TULP4: variants seen among roughly 807,000 people sequenced by gnomAD.
TULP4 encodes the protein TUB like protein 4.
Under a neutral mutation model 129.0 loss-of-function variants are expected in TULP4, and 16 were observed. The observed-to-expected ratio is 0.12, with a 90% confidence interval of 0.08 to 0.19. The LOEUF is 0.19. TULP4 is among the 10% of genes least tolerant of loss of function. The pLI, the probability that TULP4 is intolerant of heterozygous loss-of-function variation, is 1.00. For missense variants in TULP4, 1,842 were observed against 2,059.1 expected (o/e 0.89, Z 2.04); for synonymous variants, 998 against 854.0 (o/e 1.17, Z -2.94).
intron 1 of TULP4, among the ~76,000 whole-genome samples, chr6:158,363,997 A>G (rs55853394): frequency 1.3e-5 from 2 of 152,218 alleles, no homozygotes; most frequent in African/African-American, 4.8e-5. Flanking sequence ...AAAATAAATT[A>G]AAAAAACCCA....
At chr6:158,465,093 G>A (rs2115196830) in intron 6 of TULP4, among the ~76,000 whole-genome samples, 1 of 152,300 alleles carries the variant, frequency 6.6e-6, no homozygotes, top group Admixed American at 6.5e-5. Context: ...GGTCAGTTGT[G>A]CCTAAACCCC....
intron 6 of TULP4, among the ~76,000 whole-genome samples, chr6:158,477,265 A>G (rs1240475130): frequency 6.6e-6 from 1 of 152,182 alleles, no homozygotes; most frequent in Non-Finnish European, 1.5e-5. Context: ...ATACAGAGAT[A>G]GTTACTATGA....
At chr6:158,342,946 AAT>A (rs1491563182) in intron 1 of TULP4, among the ~76,000 whole-genome samples, 3 of 64,086 alleles carry the variant, frequency 4.7e-5, no homozygotes, top group African/African-American at 6.8e-5. Flanking sequence ...ATTAAAAATA[AAT>A]GTGTGTGTGT....
In TULP4 at chr6:158,385,842, C is replaced by CTTTTTTTTTTTTTT. The variant is rs778595442; in HGVS notation, c.253-27216_253-27203dup. 9.8e-3 allele frequency among the ~76,000 whole-genome samples: 582 copies of CTTTTTTTTTTTTTT among 59,534 alleles called. 124 individuals carry two copies. The highest frequency in any genetic ancestry group is 0.036 in the African/African-American group (495 of 13,850). The allele number at this position is 59,534 out of a possible 152,430, so 39.1% of individuals were successfully genotyped here. ...GGAAAAGTCTACAAATGTGGAATAT[C>CTTTTTTTTTTTTTT]TTTTTTTTTTTTTTTTTTTTGAGAA... On this transcript the variant is annotated intron_variant, in intron 1 of 13. Transcript: ENST00000367097.
At chr6:158,255,442 G>A (rs923487643) in intron 1 of TULP4, among the ~76,000 whole-genome samples, 5 of 152,138 alleles carry the variant, frequency 3.3e-5, no homozygotes, top group Admixed American at 6.5e-5. Flanking sequence ...CCCATTCTCC[G>A]TAGGTGATGA....
At chr6:158,300,716 C>A (rs1052099611) in intron 1 of TULP4, among the ~76,000 whole-genome samples, 1 of 152,192 alleles carries the variant, frequency 6.6e-6, no homozygotes, top group African/African-American at 2.4e-5. Flanking sequence ...TCTACAGAAA[C>A]ATGTACATGT....
At chr6:158,394,943 G>T (rs1393033800) in intron 1 of TULP4, among the ~76,000 whole-genome samples, 1 of 152,156 alleles carries the variant, frequency 6.6e-6, no homozygotes, top group South Asian at 2.1e-4. Flanking sequence ...AAGGCAAAGG[G>T]GAAGGAAGGT....
At chr6:158,444,806 G>A (rs941597845) in intron 3 of TULP4, among the ~76,000 whole-genome samples, 7 of 152,064 alleles carry the variant, frequency 4.6e-5, no homozygotes, top group African/African-American at 1.7e-4. Context: ...TATCATTATT[G>A]CATTGCTTTG....
At chr6:158,492,207 C>T (rs552187614) in intron 9 of TULP4, among the ~76,000 whole-genome samples, 1 of 152,276 alleles carries the variant, frequency 6.6e-6, no homozygotes, top group Admixed American at 6.5e-5. Context: ...TCTGTATGGC[C>T]ATATAGTCCA....
At chr6:158,346,705 G>A (rs536770517) in intron 1 of TULP4, among the ~76,000 whole-genome samples, 16 of 152,282 alleles carry the variant, frequency 1.1e-4, no homozygotes, top group Non-Finnish European at 2.1e-4. Flanking sequence ...AGTATTTAAT[G>A]ATTTAAGACT....
At chr6:158,268,667 C>A (rs1369747859) in intron 1 of TULP4, among the ~76,000 whole-genome samples, 1 of 152,182 alleles carries the variant, frequency 6.6e-6, no homozygotes, top group East Asian at 1.9e-4. Flanking sequence ...ACATTTGGAT[C>A]ATAGCAATTA....
chr6:158,351,706 A>AATTT (rs1780528116), intron 1 of TULP4, among the ~76,000 whole-genome samples: 1 of 72,848 alleles, frequency 1.4e-5, no homozygotes, highest in Non-Finnish European at 2.8e-5. Flanking sequence ...GTGTTGTTAA[A>AATTT]CTTTTTTTTT....
At chr6:158,482,732 G>A (rs370204744) in intron 8 of TULP4, among the ~76,000 whole-genome samples, 1 of 152,334 alleles carries the variant, frequency 6.6e-6, no homozygotes, top group East Asian at 1.9e-4. Flanking sequence ...TTACTCCCCT[G>A]GGTACAATTT....
intron 1 of TULP4, among the ~76,000 whole-genome samples, chr6:158,359,968 C>G (rs536730108): frequency 2.7e-4 from 41 of 152,224 alleles, no homozygotes; most frequent in African/African-American, 9.6e-4. Flanking sequence ...TGAAGGGCAT[C>G]TGCCCTTGAC....
At chr6:158,270,754 A>G (rs1778532794) in intron 1 of TULP4, among the ~76,000 whole-genome samples, 2 of 152,108 alleles carry the variant, frequency 1.3e-5, no homozygotes, top group Admixed American at 1.3e-4. Context: ...ATTGCTCCTG[A>G]ATTAGAGGTG....
chr6:158,502,114 A>G lies in TULP4; in HGVS notation c.2451A>G (p.Ala817=), dbSNP rs746525139. 6.2e-7 allele frequency: 1 copy of G among 1,608,574 alleles called. No homozygotes were observed. Among genetic ancestry groups the G allele is most frequent in the Non-Finnish European group, 8.5e-7 (1 of 1,177,302 alleles). The change falls in exon 13 of 14, where the codon GCA becomes GCG. Residue 817 remains alanine (A), a synonymous_variant. Coordinates refer to ENST00000367097, the MANE Select transcript of TULP4 (RefSeq NM_020245.5). ...PTPQLAAEGD[A]VVFSAPQEVQ... is the part of the protein sequence containing the mutation. ...CGCAGCTGGCAGCTGAGGGGGACGCAGTGGTCTTTAGTGCCCCCCAGGAGG... is the reference window on the plus strand; with the variant it reads ...CGCAGCTGGCAGCTGAGGGGGACGCGGTGGTCTTTAGTGCCCCCCAGGAGG...
At position 158,461,549 on chromosome 6, in the gene TULP4, C is replaced by G. The variant is rs755248445; in HGVS notation, c.860-14C>G. 1 of 1,611,018 alleles carries G rather than the reference C, an allele frequency of 6.2e-7. No homozygotes were observed. The highest frequency in any genetic ancestry group is 1.7e-5 in the Admixed American group (1 of 59,902). On this transcript the variant is annotated splice_polypyrimidine_tract_variant and intron_variant, in intron 5 of 13. Transcript: ENST00000367097. The stretch of plus-strand genomic sequence containing the variant: ...GGCTGTGTCCTTGTGCTGACCCTCT[C>G]TCCTCTGTTTCAGAGGTGGTAGCCC...
At chr6:158,438,941 G>A (rs1234837862) in intron 3 of TULP4, among the ~76,000 whole-genome samples, 2 of 152,116 alleles carry the variant, frequency 1.3e-5, no homozygotes, top group Non-Finnish European at 2.9e-5. Context: ...GGAGGCCGAG[G>A]CGGGGGAATC....
chr6:158,322,522 TAA>T (rs1779663431), intron 1 of TULP4, among the ~76,000 whole-genome samples: 1 of 152,160 alleles, frequency 6.6e-6, no homozygotes, highest in South Asian at 2.1e-4. Context: ...GATGAAATAG[TAA>T]AGTACTCTAT....
Sources: allele counts gnomAD v4.1 joint callset (sites outside exome capture counted in the v4.1 genomes callset), GRCh38; gene constraint gnomAD v4.1.1; transcripts MANE v1.5; gene names NCBI Gene and HGNC (gene_info 2026-07-23, HGNC 2026-07-21).